The following CRB1 variants were observed in gnomAD, a reference collection of about 807,000 sequenced individuals.
CRB1 encodes the protein protein crumbs homolog 1.
A neutral mutation model predicts 120.0 loss-of-function variants in CRB1; 83 were observed. The ratio of observed to expected loss-of-function variants is 0.69; its 90% CI spans 0.58 to 0.83. CRB1 has a LOEUF of 0.83. Among genes scored for constraint, CRB1 ranks in the 40% least tolerant of loss-of-function variants. The probability of loss-of-function intolerance (pLI) is 0.00; values close to 1 mark genes in which losing one functional copy is unlikely to be tolerated. For missense variants in CRB1, 1,699 were observed against 1,687.6 expected (o/e 1.01, Z -0.12); for synonymous variants, 625 against 612.5 (o/e 1.02, Z -0.30).
intron 11 of CRB1, among the ~76,000 whole-genome samples, chr1:197,468,165 C>T (rs975556462): frequency 1.3e-5 from 2 of 152,092 alleles, no homozygotes; most frequent in African/African-American, 2.4e-5. Flanking sequence ...TACTTCTTTA[C>T]CTCATTCTCC....
Position 197,435,361 on chromosome 1 carries a change from C to T in CRB1, c.3498C>T (p.Pro1166=). ...DIYSSYHCSC[P]LGWSGKHCEL... ...ATAGCTCTTATCATTGCTCCTGTCCCTTGGGATGGTCAGGGAAACACTGTG... is the reference window on the plus strand; with the variant it reads ...ATAGCTCTTATCATTGCTCCTGTCCTTTGGGATGGTCAGGGAAACACTGTG... The change falls in exon 9 of 12, where the codon CCC becomes CCT. Residue 1166 remains proline (P), a synonymous_variant. Coordinates refer to ENST00000367400, the MANE Select transcript of CRB1 (RefSeq NM_201253.3). 1.9e-6 allele frequency: 3 copies of T among 1,612,924 alleles called. No individual in the cohort carries two copies. The highest frequency in any genetic ancestry group is 1.1e-5 in the South Asian group (1 of 90,988).
the CRB1 span, among the ~76,000 whole-genome samples, chr1:197,229,548 C>T: frequency 2.0e-5 from 3 of 152,240 alleles, no homozygotes; most frequent in East Asian, 1.9e-4. Context: ...TGAGTGATCC[C>T]GTCACCCAGG....
At chr1:197,256,292 C>CT in the CRB1 span, among the ~76,000 whole-genome samples, 1 of 151,614 alleles carries the variant, frequency 6.6e-6, no homozygotes, top group Admixed American at 6.6e-5. Context: ...TGGTCTTGTT[C>CT]TTTTAGATTT....
intron 1 of CRB1, among the ~76,000 whole-genome samples, chr1:197,317,838 A>G (rs950361115): frequency 1.3e-5 from 2 of 152,236 alleles, no homozygotes; most frequent in Non-Finnish European, 2.9e-5. Flanking sequence ...CATATACAAA[A>G]ATCAACTCAA....
chr1:197,236,749 A>G, the CRB1 span, among the ~76,000 whole-genome samples: 4 of 152,154 alleles, frequency 2.6e-5, no homozygotes, highest in South Asian at 2.1e-4. Context: ...CTTTTTTCAA[A>G]GGGTTTTTCT....
intron 1 of CRB1, among the ~76,000 whole-genome samples, chr1:197,298,164 A>G (rs984806041): frequency 6.6e-6 from 1 of 152,180 alleles, no homozygotes. Flanking sequence ...ACATGCTTAC[A>G]TACTTACAGA....
intron 11 of CRB1, among the ~76,000 whole-genome samples, chr1:197,449,601 C>G (rs1192939719): frequency 6.6e-6 from 1 of 152,102 alleles, no homozygotes; most frequent in Non-Finnish European, 1.5e-5. Flanking sequence ...CTCCTGACCT[C>G]GTGATCCGCC....
intron 6 of CRB1, among the ~76,000 whole-genome samples, chr1:197,424,612 T>C (rs1025098446): frequency 2.0e-5 from 3 of 152,176 alleles, no homozygotes; most frequent in East Asian, 1.9e-4. Context: ...TTCTAGATAA[T>C]GTGCTTCTGT....
intron 5 of CRB1, among the ~76,000 whole-genome samples, chr1:197,389,735 G>A (rs1571453221): frequency 1.3e-5 from 2 of 152,032 alleles, no homozygotes; most frequent in South Asian, 4.2e-4. Context: ...TAGGGCTATT[G>A]GTTTCAGTTC....
intron 1 of CRB1, among the ~76,000 whole-genome samples, chr1:197,293,176 G>C (rs186039466): frequency 5.3e-5 from 8 of 152,092 alleles, no homozygotes; most frequent in African/African-American, 1.9e-4. Flanking sequence ...TCGTCTCAGT[G>C]CAAAATCTCC....
At chr1:197,366,629 G>A (rs16841380) in intron 5 of CRB1, among the ~76,000 whole-genome samples, 5,749 of 152,238 alleles carry the variant, frequency 0.038, 316 homozygotes, top group African/African-American at 0.12. Context: ...GAAATAGAGA[G>A]AGCATGAGAC....
At chr1:197,246,156 C>A in the CRB1 span, among the ~76,000 whole-genome samples, 13 of 152,010 alleles carry the variant, frequency 8.6e-5, no homozygotes, top group African/African-American at 3.1e-4. Flanking sequence ...CTCTGTAACA[C>A]CCCAGCAGGA....
At chr1:197,355,352 G>C (rs1323411639) in intron 4 of CRB1, among the ~76,000 whole-genome samples, 1 of 152,214 alleles carries the variant, frequency 6.6e-6, no homozygotes. Flanking sequence ...TCCCACGCAG[G>C]GGCCGCAGGT....
At chr1:197,477,147 C>G (rs983392069) in intron 11 of CRB1, among the ~76,000 whole-genome samples, 3 of 152,154 alleles carry the variant, frequency 2.0e-5, no homozygotes, top group Non-Finnish European at 2.9e-5. Flanking sequence ...AAACCCCCTG[C>G]GAGACCAGCG....
chr1:197,264,110 C>T (rs1654579035), upstream of CRB1, among the ~76,000 whole-genome samples: 1 of 152,290 alleles, frequency 6.6e-6, no homozygotes, highest in South Asian at 2.1e-4. Context: ...AACTTGTCAT[C>T]ATCTATCCCT....
At chr1:197,283,038 G>A (rs1039162577) in intron 1 of CRB1, among the ~76,000 whole-genome samples, 5 of 151,606 alleles carry the variant, frequency 3.3e-5, no homozygotes, top group African/African-American at 1.2e-4. Context: ...TACACCAGTG[G>A]GCAAGGAAGG....
chr1:197,344,280 G>T lies in CRB1; in HGVS notation c.653-1G>T, dbSNP rs760287363. On this transcript the variant is annotated splice_acceptor_variant, in intron 2 of 11. Coordinates refer to ENST00000367400, the MANE Select transcript of CRB1 (RefSeq NM_201253.3). LOFTEE classifies it high-confidence loss of function. The stretch of plus-strand genomic sequence containing the variant: ...TTTTTCTGTGCTGACTTTTTTAAAA[G>T]GTGTAAACTGTGAATTGGAAATTGA... The T allele has an allele frequency of 5.0e-6, 8 of 1,613,992 alleles. No homozygotes were observed. The highest frequency in any genetic ancestry group is 1.7e-5 in the Admixed American group (1 of 60,000).
chr1:197,393,600 G>A (rs905588938), intron 5 of CRB1, among the ~76,000 whole-genome samples: 1 of 151,970 alleles, frequency 6.6e-6, no homozygotes, highest in African/African-American at 2.4e-5. Context: ...ACTAGAAAAG[G>A]TATAAGGATT....
chr1:197,229,323 A>G, the CRB1 span, among the ~76,000 whole-genome samples: 1 of 152,212 alleles, frequency 6.6e-6, no homozygotes, highest in Admixed American at 6.5e-5. Flanking sequence ...AAGAATAAGT[A>G]TGACACAGCC....
Sources: allele counts gnomAD v4.1 joint callset (sites outside exome capture counted in the v4.1 genomes callset), GRCh38; gene constraint gnomAD v4.1.1; transcripts MANE v1.5; gene names NCBI Gene and HGNC (gene_info 2026-07-23, HGNC 2026-07-21).